The following ARHGAP29 variants were observed in gnomAD, a reference collection of about 807,000 sequenced individuals.
ARHGAP29 encodes rho GTPase-activating protein 29.
In ARHGAP29, 43 loss-of-function variants were observed where a neutral mutation model predicts 122.6. The observed-to-expected ratio is 0.35, with a 90% CI of 0.27 to 0.45. The LOEUF (loss-of-function observed/expected upper bound fraction) is 0.45. Ranked by LOEUF, ARHGAP29 falls within the 20% of genes least tolerant of loss-of-function variation. The pLI is 1.00. For synonymous variants in ARHGAP29, 506 were observed against 497.1 expected (o/e 1.02, Z -0.24); for missense variants, 1,303 against 1,477.2 (o/e 0.88, Z 1.93).
the ARHGAP29 span, among the ~76,000 whole-genome samples, chr1:94,281,447 C>A: frequency 7.7e-4 from 115 of 149,710 alleles, 1 homozygote; most frequent in Middle Eastern, 0.01. Context: ...AACAGCCCAG[C>A]ACGTAAAGTT....
intron 19 of ARHGAP29, among the ~76,000 whole-genome samples, chr1:94,183,122 C>T (rs1287899193): frequency 2.0e-5 from 3 of 152,126 alleles, no homozygotes; most frequent in African/African-American, 7.2e-5. Context: ...TTACCCTGAT[C>T]TGATCATTAT....
At chr1:94,231,977 C>T (rs781130145) in intron 1 of ARHGAP29, among the ~76,000 whole-genome samples, 13 of 152,120 alleles carry the variant, frequency 8.5e-5, no homozygotes, top group Non-Finnish European at 1.6e-4. Flanking sequence ...AAACCTGTAT[C>T]TGCCTTGATG....
At chr1:94,186,266 T>G (rs1649795245) in intron 16 of ARHGAP29, among the ~76,000 whole-genome samples, 1 of 152,202 alleles carries the variant, frequency 6.6e-6, no homozygotes, top group Admixed American at 6.5e-5. Flanking sequence ...CAATACATTT[T>G]ACATCCAGTA....
rs138559066 is a variant in ARHGAP29 at position 94,202,677 on chromosome 1, T to C, written c.1010A>G (p.Asp337Gly). The C allele has an allele frequency of 3.6e-5, 58 of 1,614,064 alleles. No homozygotes were observed. The highest frequency in any genetic ancestry group is 5.3e-5 in the African/African-American group (4 of 74,930). The change falls in exon 11 of 23, where the codon GAT becomes GGT. Residue 337 changes from aspartate (D) to glycine (G), a missense_variant. This residue lies in a region of ARHGAP29 where 592 missense variants were observed against 648.2 expected (regional missense o/e 0.91). Transcript: ENST00000260526. Reference sequence around the variant, plus strand: ...GGAAGACTTTGCTTTCTCATATTCATCTTGACGTTGCATGCATAATAATTT... The same window carrying C: ...GGAAGACTTTGCTTTCTCATATTCACCTTGACGTTGCATGCATAATAATTT... ...KAKLLCMQRQ[D>G]EYEKAKSSMF...
chr1:94,266,766 T>C (rs577793842), intron 1 of ARHGAP29, among the ~76,000 whole-genome samples: 2 of 152,342 alleles, frequency 1.3e-5, no homozygotes, highest in South Asian at 2.1e-4. Flanking sequence ...TTTTCCATCC[T>C]AAGTGACTTG....
At chr1:94,244,966 C>A (rs1653733899) in intron 1 of ARHGAP29, among the ~76,000 whole-genome samples, 1 of 152,052 alleles carries the variant, frequency 6.6e-6, no homozygotes, top group South Asian at 2.1e-4. Flanking sequence ...AAAGAAGATA[C>A]ACAACTGGGC....
At chr1:94,254,849 A>G (rs1278916611) in intron 1 of ARHGAP29, among the ~76,000 whole-genome samples, 5 of 152,210 alleles carry the variant, frequency 3.3e-5, no homozygotes, top group Admixed American at 3.3e-4. Context: ...AAGTCAGTGA[A>G]ATGGAGCTGC....
intron 12 of ARHGAP29, chr1:94,191,989 G>A (rs1468112519): frequency 6.6e-6 from 1 of 152,138 alleles, no homozygotes; most frequent in Non-Finnish European, 1.5e-5. Flanking sequence ...ATTGTTTGAG[G>A]TGAAGAGAAT....
chr1:94,275,164 A>G (rs1329458592), upstream of ARHGAP29: 2 of 152,182 alleles, frequency 1.3e-5, no homozygotes, highest in East Asian at 1.9e-4. Flanking sequence ...TGAGAATCCA[A>G]CTTTAAAACA....
At chr1:94,296,811 T>C in the ARHGAP29 span, among the ~76,000 whole-genome samples, 2 of 152,218 alleles carry the variant, frequency 1.3e-5, no homozygotes, top group Non-Finnish European at 2.9e-5. Flanking sequence ...AAACTGATAA[T>C]GCATATTTCT....
At chr1:94,202,367 G>C in intron 11 of ARHGAP29, 177 bp downstream of exon 11, 1 of 690,434 alleles carries the variant, frequency 1.4e-6, no homozygotes, top group Non-Finnish European at 2.4e-6. Flanking sequence ...GCATCAGCAC[G>C]ACCTGAGAGC....
At chr1:94,218,609 T>C (rs1652099012) in intron 3 of ARHGAP29, among the ~76,000 whole-genome samples, 1 of 152,192 alleles carries the variant, frequency 6.6e-6, no homozygotes, top group Non-Finnish European at 1.5e-5. Flanking sequence ...CCTATCTAAG[T>C]AAAGTTAAAT....
At chr1:94,189,442 A>C in intron 13 of ARHGAP29, 90 bp from the exon 14 acceptor site, 3 of 1,363,136 alleles carry the variant, frequency 2.2e-6, no homozygotes, top group Non-Finnish European at 2.9e-6. Flanking sequence ...AAAATCTATT[A>C]ATTTAACAAT....
At chr1:94,215,748 GA>G (rs1281985951) in intron 3 of ARHGAP29, among the ~76,000 whole-genome samples, 1 of 151,780 alleles carries the variant, frequency 6.6e-6, no homozygotes, top group Non-Finnish European at 1.5e-5. Context: ...ATAAAAGACT[GA>G]AAAATGTTAA....
the ARHGAP29 span, among the ~76,000 whole-genome samples, chr1:94,284,220 T>C: frequency 2.0e-5 from 3 of 152,190 alleles, no homozygotes; most frequent in African/African-American, 7.2e-5. Flanking sequence ...GCTTTACTTA[T>C]AGTAATTTCT....
At position 94,272,170 on chromosome 1, in the gene ARHGAP29, C is replaced by A. The variant is rs79651851; in HGVS notation, c.-33+2842G>T. On this transcript the variant is annotated intron_variant and NMD_transcript_variant, in intron 1 of 25. Transcript: ENST00000552844. Reference sequence around the variant, plus strand: ...GGTTAACCACCAGGAGAGCCACCAACGCCTGTTGAAGTAAAGGTTGAGGGT... The same window carrying A: ...GGTTAACCACCAGGAGAGCCACCAAAGCCTGTTGAAGTAAAGGTTGAGGGT... Among the ~76,000 whole-genome samples, 61 of 152,276 alleles carry A rather than the reference C, an allele frequency of 4.0e-4. 2 individuals carry two copies. In the East Asian group the frequency reaches 0.012, roughly 29 times the overall value.
chr1:94,205,095 G>A lies in ARHGAP29; in HGVS notation c.663C>T (p.Asn221=). The change falls in exon 7 of 23, where the codon AAC becomes AAT. Residue 221 remains asparagine (N), a synonymous_variant. Transcript: ENST00000260526. ...GCTTTTTTTCAACCCATGAAACTAT[G>A]TTCTTAGTATATTTTGACCAAGTTT... is the stretch of plus-strand genomic sequence containing the variant. ...YAKTWSKYTK[N]IVSWVEKKLN... The A allele has an allele frequency of 6.3e-7, 1 of 1,596,966 alleles. No individual in the cohort carries two copies. Among genetic ancestry groups the A allele is most frequent in the Non-Finnish European group, 8.5e-7 (1 of 1,173,850 alleles).
intron 1 of ARHGAP29, among the ~76,000 whole-genome samples, chr1:94,266,358 A>G (rs1654771472): frequency 6.6e-6 from 1 of 151,840 alleles, no homozygotes; most frequent in Non-Finnish European, 1.5e-5. Context: ...TAGTCCAGAA[A>G]CTCCTCTCAA....
the ARHGAP29 span, among the ~76,000 whole-genome samples, chr1:94,280,405 G>A: frequency 6.6e-6 from 1 of 152,100 alleles, no homozygotes; most frequent in African/African-American, 2.4e-5. Flanking sequence ...CTCTTCAGCT[G>A]GAGAAGAGAG....
Sources: allele counts gnomAD v4.1 joint callset (sites outside exome capture counted in the v4.1 genomes callset), GRCh38; gene constraint gnomAD v4.1.1; regional missense constraint gnomAD v4.1.1; transcripts MANE v1.5; gene names NCBI Gene and HGNC (gene_info 2026-07-23, HGNC 2026-07-21).